Variants in MACROD2 observed in about 807,000 individuals in gnomAD.
MACROD2 encodes ADP-ribose glycohydrolase MACROD2.
Under a neutral mutation model 70.4 loss-of-function variants are expected in MACROD2, and 36 were observed. The ratio of observed to expected loss-of-function variants is 0.51; its 90% CI spans 0.39 to 0.68. The LOEUF (loss-of-function observed/expected upper bound fraction) is 0.68. Among genes scored for constraint, MACROD2 ranks in the 30% least tolerant of loss-of-function variants. The pLI is 0.00. For synonymous variants in MACROD2, 172 were observed against 178.8 expected, an observed-to-expected ratio of 0.96 and a Z score of 0.30; for missense variants, 496 against 538.4, an observed-to-expected ratio of 0.92 and a Z score of 0.78.
At chr20:15,607,676 G>T (rs1194245704) in intron 8 of MACROD2, among the ~76,000 whole-genome samples, 2 of 152,170 alleles carry the variant, frequency 1.3e-5, no homozygotes, top group Non-Finnish European at 2.9e-5. Context: ...TGGGATTACA[G>T]GTGCTCACCA....
chr20:15,930,419 T>C (rs1016109997), intron 10 of MACROD2, among the ~76,000 whole-genome samples: 4 of 152,164 alleles, frequency 2.6e-5, no homozygotes, highest in Admixed American at 6.5e-5. Context: ...ATGAAATGAA[T>C]ACTAATCTAA....
At chr20:14,403,150 C>T (rs2083656621) in intron 3 of MACROD2, among the ~76,000 whole-genome samples, 1 of 151,964 alleles carries the variant, frequency 6.6e-6, no homozygotes, top group South Asian at 2.1e-4. Context: ...TAGAATTATG[C>T]ATTTGTTTAA....
At chr20:15,706,346 G>C (rs749782744) in intron 8 of MACROD2, among the ~76,000 whole-genome samples, 1 of 152,132 alleles carries the variant, frequency 6.6e-6, no homozygotes. Context: ...TGAAGTAGAC[G>C]GCACATAAGA....
rs540521373 is a variant in MACROD2 at position 14,758,018 on chromosome 20, G to A, written c.418+73059G>A. 1.2e-5 allele frequency: 9 copies of A among 737,082 alleles called. No homozygotes were observed. In the African/African-American group the frequency reaches 1.5e-4, roughly 13 times the overall value. 45.7% of individuals were successfully genotyped at this position (737,082 alleles called of 1,614,324 possible). ...GTCAGCAACTGAATTCCAGTTTAGAGGCGAATTTGGTCATGGACATGGTCG... is the reference window on the plus strand; with the variant it reads ...GTCAGCAACTGAATTCCAGTTTAGAAGCGAATTTGGTCATGGACATGGTCG... On this transcript the variant is annotated intron_variant, in intron 5 of 17. Coordinates refer to ENST00000684519, the MANE Select transcript of MACROD2 (RefSeq NM_001351661.2).
chr20:14,982,299 C>T (rs1055922866), intron 5 of MACROD2, among the ~76,000 whole-genome samples: 1 of 152,130 alleles, frequency 6.6e-6, no homozygotes, highest in Non-Finnish European at 1.5e-5. Context: ...GGAAAATTTG[C>T]AGCCTAACAG....
At chr20:15,926,353 A>G (rs957578337) in intron 10 of MACROD2, among the ~76,000 whole-genome samples, 1 of 152,176 alleles carries the variant, frequency 6.6e-6, no homozygotes. Flanking sequence ...AGCGTATTTC[A>G]TTAACTGGAG....
intron 5 of MACROD2, among the ~76,000 whole-genome samples, chr20:14,808,731 T>C (rs2072670793): frequency 6.7e-6 from 1 of 149,126 alleles, no homozygotes. Context: ...AATAAAGGGA[T>C]GGAGCAAGAT....
intron 8 of MACROD2, among the ~76,000 whole-genome samples, chr20:15,531,162 A>C (rs190537036): frequency 6.6e-6 from 1 of 151,766 alleles, no homozygotes; most frequent in African/African-American, 2.4e-5. Flanking sequence ...GTTGAAAATT[A>C]CCAGAATAAA....
intron 7 of MACROD2, among the ~76,000 whole-genome samples, chr20:15,492,652 C>T (rs2047246386): frequency 6.6e-6 from 1 of 152,164 alleles, no homozygotes; most frequent in Admixed American, 6.5e-5. Context: ...AGTGATACAT[C>T]CTTCTCACTC....
At chr20:15,743,348 G>A (rs1211828231) in intron 8 of MACROD2, among the ~76,000 whole-genome samples, 3 of 152,068 alleles carry the variant, frequency 2.0e-5, no homozygotes, top group African/African-American at 4.8e-5. Context: ...AAATCAAACA[G>A]AAATATTGTA....
intron 5 of MACROD2, among the ~76,000 whole-genome samples, chr20:15,068,204 G>A (rs1164423271): frequency 6.6e-6 from 1 of 152,102 alleles, no homozygotes; most frequent in Non-Finnish European, 1.5e-5. Context: ...GGGGATTGCA[G>A]ATGGTCACTG....
chr20:14,571,982 A>G (rs374941802), intron 4 of MACROD2, among the ~76,000 whole-genome samples: 7 of 152,054 alleles, frequency 4.6e-5, no homozygotes, highest in African/African-American at 1.7e-4. Context: ...TCACTCTAAT[A>G]AAATGATTAG....
rs139120001 is a variant in MACROD2, at chr20:15,421,919, C to T, written c.541-9486C>T. ...GTAATTTAGCTGGAGGCTAGGAAGA[C>T]CTCTTCGAGGAGGTGACATTTGATC... is the stretch of plus-strand genomic sequence containing the variant. On this transcript the variant is annotated intron_variant, in intron 6 of 17. Coordinates refer to ENST00000684519, the MANE Select transcript of MACROD2 (RefSeq NM_001351661.2). Among the ~76,000 whole-genome samples the T allele has an allele frequency of 8.4e-3, 1,276 of 152,280 alleles. 9 individuals carry two copies. The highest frequency in any genetic ancestry group is 0.032 in the South Asian group (153 of 4,822).
chr20:15,961,284 C>T lies in MACROD2; in HGVS notation c.908-6269C>T, dbSNP rs184307136. 1.5e-3 allele frequency among the ~76,000 whole-genome samples: 228 copies of T among 152,136 alleles called. 1 individual carries two copies. Among genetic ancestry groups the T allele is most frequent in the Admixed American group, 4.3e-3 (65 of 15,278 alleles). The stretch of plus-strand genomic sequence containing the variant: ...TAGGTGTCAGGAATAAATTGATGTT[C>T]GGGAGAAGTCATACAGGTCTTTGAA... On this transcript the variant is annotated intron_variant, in intron 12 of 17. Transcript: ENST00000684519.
chr20:14,742,768 A>AT (rs1329076251), intron 5 of MACROD2, among the ~76,000 whole-genome samples: 8 of 146,638 alleles, frequency 5.5e-5, no homozygotes, highest in African/African-American at 1.7e-4. Context: ...ATTTTATTTT[A>AT]TTTTATTTTT....
At chr20:15,475,987 C>T (rs2047017374) in intron 7 of MACROD2, among the ~76,000 whole-genome samples, 1 of 152,146 alleles carries the variant, frequency 6.6e-6, no homozygotes, top group Admixed American at 6.5e-5. Context: ...CATAGGCGAA[C>T]AAAGAAAGGG....
intron 5 of MACROD2, among the ~76,000 whole-genome samples, chr20:15,205,744 A>AT (rs1381902188): frequency 6.6e-6 from 1 of 152,222 alleles, no homozygotes; most frequent in Non-Finnish European, 1.5e-5. Flanking sequence ...AAACTTGTTA[A>AT]TTTTTTGCTA....
chr20:15,408,066 G>T (rs564251068), intron 6 of MACROD2, among the ~76,000 whole-genome samples: 22 of 152,282 alleles, frequency 1.4e-4, no homozygotes, highest in Admixed American at 6.5e-4. Context: ...ATTTCAATTT[G>T]CTGGGCTTTT....
chr20:15,554,667 G>A (rs1162502158), intron 8 of MACROD2, among the ~76,000 whole-genome samples: 1 of 151,936 alleles, frequency 6.6e-6, no homozygotes, highest in Non-Finnish European at 1.5e-5. Context: ...ACTAGATTAT[G>A]GCCCTTTAGG....
Sources: gnomAD v4.1 joint callset for allele counts (sites outside exome capture counted in the v4.1 genomes callset) on GRCh38, gnomAD v4.1.1 for gene constraint, MANE v1.5 for transcripts, NCBI Gene and HGNC (gene_info 2026-07-23, HGNC 2026-07-21) for gene names.